Variants in ROCK1 observed in about 807,000 individuals in gnomAD.
ROCK1 encodes the protein Rho associated coiled-coil containing protein kinase 1, also known as rho-associated protein kinase 1.
ROCK1 carries 36 observed loss-of-function variants against 196.8 expected under a neutral mutation model. The ratio of observed to expected loss-of-function variants is 0.18; its 90% CI spans 0.14 to 0.24. The LOEUF (loss-of-function observed/expected upper bound fraction) is 0.24, where lower values mean the gene tolerates loss of function less well. Ranked by LOEUF, ROCK1 falls within the 10% of genes least tolerant of loss-of-function variation. The pLI is 1.00. For missense variants in ROCK1, 920 were observed against 1,562.0 expected, an observed-to-expected ratio of 0.59 and a Z score of 6.93; for synonymous variants, 443 against 515.9, an observed-to-expected ratio of 0.86 and a Z score of 1.91.
chr18:21,012,390 A>G (rs1249114332), intron 13 of ROCK1, among the ~76,000 whole-genome samples: 1 of 152,142 alleles, frequency 6.6e-6, no homozygotes, highest in African/African-American at 2.4e-5. Flanking sequence ...TTTGAGAAGG[A>G]TGTTTTAATT....
intron 18 of ROCK1, 129 bp from the exon 19 acceptor site, chr18:20,987,239 T>C (rs1054686850): frequency 4.1e-6 from 3 of 727,764 alleles, no homozygotes; most frequent in Non-Finnish European, 6.6e-6. Flanking sequence ...ATAGAGCTAG[T>C]AATTATAGAA....
At chr18:20,985,965 C>T (rs2035574728) in intron 19 of ROCK1, among the ~76,000 whole-genome samples, 1 of 152,074 alleles carries the variant, frequency 6.6e-6, no homozygotes, top group South Asian at 2.1e-4. Context: ...TGCAAGGAAT[C>T]CTCCCACCTC....
At chr18:21,006,823 C>T in intron 14 of ROCK1, 33 bp from the exon 15 acceptor site, 1 of 1,328,822 alleles carries the variant, frequency 7.5e-7, no homozygotes, top group East Asian at 2.3e-5. Flanking sequence ...ATAGAAATTA[C>T]AACATTTTCA....
chr18:20,977,438 TC>T (rs751281541), intron 22 of ROCK1, among the ~76,000 whole-genome samples: 3 of 152,024 alleles, frequency 2.0e-5, no homozygotes, highest in Admixed American at 6.5e-5. Context: ...CACATCCCAT[TC>T]CCTGGCTAAT....
chr18:21,025,717 CAG>C (rs1195647013), intron 10 of ROCK1, among the ~76,000 whole-genome samples: 1 of 152,176 alleles, frequency 6.6e-6, no homozygotes, highest in Non-Finnish European at 1.5e-5. Flanking sequence ...GCCTCAGCGA[CAG>C]AGTGAGACTC....
chr18:20,956,883 A>G (rs1211279214), intron 29 of ROCK1, among the ~76,000 whole-genome samples: 1 of 152,228 alleles, frequency 6.6e-6, no homozygotes, highest in Non-Finnish European at 1.5e-5. Flanking sequence ...GAAAAAAGAA[A>G]AGATATACAA....
chr18:20,980,130 C>G (rs950135609), intron 21 of ROCK1, 126 bp from the exon 22 acceptor site: 7 of 1,158,364 alleles, frequency 6.0e-6, no homozygotes, highest in Non-Finnish European at 8.0e-6. Context: ...TTACCCATGA[C>G]AAATGCAAAT....
rs1239941064 is a variant in ROCK1, at chr18:21,014,927, C to T, written c.1410+504G>A. The stretch of plus-strand genomic sequence containing the variant: ...GTATTACATATTTGCAAACAAACAT[C>T]TGAATTATGAATGCTTGTTATTGTT... On this transcript the variant is annotated intron_variant, in intron 13 of 32. Coordinates refer to ENST00000399799, the MANE Select transcript of ROCK1 (RefSeq NM_005406.3). Among the ~76,000 whole-genome samples the T allele has an allele frequency of 2.0e-5, 3 of 152,242 alleles. No homozygotes were observed. The East Asian group carries it at 5.8e-4, about 29-fold the overall frequency.
intron 1 of ROCK1, among the ~76,000 whole-genome samples, chr18:21,106,899 T>C (rs1162472675): frequency 6.6e-6 from 1 of 152,190 alleles, no homozygotes; most frequent in Non-Finnish European, 1.5e-5. Flanking sequence ...CCAGCTACAT[T>C]ATTCTAAACT....
chr18:20,958,289 C>G (rs2035266288), intron 29 of ROCK1, among the ~76,000 whole-genome samples: 2 of 151,850 alleles, frequency 1.3e-5, no homozygotes, highest in South Asian at 4.1e-4. Context: ...TAACTATAAC[C>G]AGCTCCACAA....
At chr18:20,985,663 GC>G (rs1354348995) in intron 19 of ROCK1, among the ~76,000 whole-genome samples, 1 of 152,042 alleles carries the variant, frequency 6.6e-6, no homozygotes, top group Non-Finnish European at 1.5e-5. Context: ...CCAATTCCTA[GC>G]ACAGAGCCAA....
chr18:21,042,175 T>C lies in ROCK1; in HGVS notation c.881A>G (p.Lys294Arg), dbSNP rs531125197. 1 of 1,605,998 alleles carries C rather than the reference T, an allele frequency of 6.2e-7. No individual in the cohort carries two copies. The highest frequency in any genetic ancestry group is 2.3e-5 in the East Asian group (1 of 44,384). The change falls in exon 8 of 33, where the codon AAA becomes AGA. Residue 294 changes from lysine to arginine, a missense_variant. Lys to Arg is a conservative substitution (Grantham distance 26, BLOSUM62 2). Around this residue, in one of 6 missense-constraint regions of ROCK1, gnomAD observed 234 missense variants for 460.7 expected, o/e 0.51. Transcript: ENST00000399799. Reference sequence around the variant, plus strand: ...ATCATCAGGAAAGGTAAGTGAATTTTTATGGTTCATAATTTTACTGTAAGT... The same window carrying C: ...ATCATCAGGAAAGGTAAGTGAATTTCTATGGTTCATAATTTTACTGTAAGT... ...VGTYSKIMNH[K>R]NSLTFPDDND...
chr18:21,073,092 A>C lies in ROCK1; in HGVS notation c.94-2479T>G, dbSNP rs1290261409. Among the ~76,000 whole-genome samples, 7 of 122,718 alleles carry C rather than the reference A, an allele frequency of 5.7e-5. No homozygotes were observed. In the East Asian group the frequency reaches 7.7e-4, roughly 13 times the overall value. 80.5% of individuals were successfully genotyped at this position (122,718 alleles called of 152,430 possible). A position where few individuals can be genotyped will look rare whatever the true frequency, so the allele number is the denominator to read the frequency against. On this transcript the variant is annotated intron_variant, in intron 1 of 32. Coordinates refer to ENST00000399799, the MANE Select transcript of ROCK1 (RefSeq NM_005406.3). ...AAAAAAAAAAAAAAAAAAAAAAAAAAAAAAAAACAAAAGTGGAGGAGAAAA... is the reference window on the plus strand; with the variant it reads ...AAAAAAAAAAAAAAAAAAAAAAAAACAAAAAAACAAAAGTGGAGGAGAAAA...
At chr18:21,078,373 C>CACACACACACACACACAG (rs1491188980) in intron 1 of ROCK1, among the ~76,000 whole-genome samples, 2 of 66,118 alleles carry the variant, frequency 3.0e-5, no homozygotes, top group African/African-American at 7.1e-5. Context: ...CACACACACA[C>CACACACACACACACACAG]AGAGAGAGAG....
chr18:21,015,798 C>A (rs1264813996), intron 12 of ROCK1, among the ~76,000 whole-genome samples: 1 of 151,528 alleles, frequency 6.6e-6, no homozygotes, highest in Admixed American at 6.6e-5. Flanking sequence ...ATGGTGAAAC[C>A]CCGTCTCTAC....
chr18:20,977,527 A>G (rs1374530606), intron 22 of ROCK1, among the ~76,000 whole-genome samples: 1 of 152,236 alleles, frequency 6.6e-6, no homozygotes, highest in Non-Finnish European at 1.5e-5. Flanking sequence ...ATCCTTTGGC[A>G]TAGCCACTAT....
Position 21,008,516 on chromosome 18 carries a change from G to A in ROCK1, c.1411-322C>T, listed in dbSNP as rs541084519. Among the ~76,000 whole-genome samples, 32 of 152,218 alleles carry A rather than the reference G, an allele frequency of 2.1e-4. 1 individual carries two copies. The South Asian group carries it at 5.8e-3, about 28-fold the overall frequency. On this transcript the variant is annotated intron_variant, in intron 13 of 32. Coordinates refer to ENST00000399799, the MANE Select transcript of ROCK1 (RefSeq NM_005406.3). ...TTGAACTCTTGACCTCAGGTGATCCGCCTGCCTCAGCCTCCCAAAGTACTG... is the reference window on the plus strand; with the variant it reads ...TTGAACTCTTGACCTCAGGTGATCCACCTGCCTCAGCCTCCCAAAGTACTG...
chr18:20,959,722 A>T (rs2035308490), intron 29 of ROCK1, 118 bp downstream of exon 29: 4 of 490,364 alleles, frequency 8.2e-6, no homozygotes, highest in African/African-American at 4.0e-5. Context: ...CTTAAGAAAA[A>T]CAGAAAAGTA....
At chr18:21,100,398 C>CA (rs113274981) in intron 1 of ROCK1, among the ~76,000 whole-genome samples, 4,789 of 122,870 alleles carry the variant, frequency 0.039, 102 homozygotes, top group Non-Finnish European at 0.057. Flanking sequence ...CTTACTGCAG[C>CA]AAAAAAAAAA....
Sources: gnomAD v4.1 joint callset for allele counts (sites outside exome capture counted in the v4.1 genomes callset) on GRCh38, gnomAD v4.1.1 for gene constraint, gnomAD v4.1.1 regional missense constraint, MANE v1.5 for transcripts, NCBI Gene and HGNC (gene_info 2026-07-23, HGNC 2026-07-21) for gene names.